Variants in NREP observed in about 807,000 individuals in gnomAD.
The protein encoded by NREP is neuronal regeneration related protein.
Under a neutral mutation model 8.6 loss-of-function variants are expected in NREP, and 5 were observed. The ratio of observed to expected loss-of-function variants is 0.58; its 90% CI spans 0.30 to 1.22. The LOEUF is 1.22. Among genes scored for constraint, NREP ranks in the 50% most tolerant of loss-of-function variants. NREP has a pLI of 0.07. For missense variants in NREP, 86 were observed against 82.5 expected, an observed-to-expected ratio of 1.04 and a Z score of -0.17; for synonymous variants, 27 against 28.0, an observed-to-expected ratio of 0.96 and a Z score of 0.11.
chr5:111,807,438 A>G (rs987041120), intron 2 of NREP, among the ~76,000 whole-genome samples: 1 of 152,216 alleles, frequency 6.6e-6, no homozygotes, highest in Non-Finnish European at 1.5e-5. Flanking sequence ...TATTGATTAA[A>G]ACAATTCAAC....
chr5:111,821,597 T>C (rs1252307976), intron 2 of NREP, among the ~76,000 whole-genome samples: 1 of 152,164 alleles, frequency 6.6e-6, no homozygotes, highest in Non-Finnish European at 1.5e-5. Flanking sequence ...ACCAAAAAAA[T>C]GCAGACAGTT....
intron 2 of NREP, among the ~76,000 whole-genome samples, chr5:111,911,973 T>C (rs1439749059): frequency 2.6e-5 from 4 of 152,100 alleles, no homozygotes; most frequent in Non-Finnish European, 5.9e-5. Context: ...GGAGGCTAAA[T>C]AATTTGTCTA....
intron 2 of NREP, among the ~76,000 whole-genome samples, chr5:111,862,446 T>C (rs1002521688): frequency 2.0e-5 from 3 of 152,082 alleles, no homozygotes; most frequent in Non-Finnish European, 2.9e-5. Flanking sequence ...CAGGGGCAGC[T>C]TTAGTCCTAC....
At chr5:111,770,537 T>C (rs1751192262) in intron 2 of NREP, among the ~76,000 whole-genome samples, 1 of 145,820 alleles carries the variant, frequency 6.9e-6, no homozygotes, top group South Asian at 2.2e-4. Context: ...TATTATTTGG[T>C]AAAGAAGAAT....
chr5:111,924,669 G>A (rs774174645), intron 2 of NREP, among the ~76,000 whole-genome samples: 14 of 152,140 alleles, frequency 9.2e-5, no homozygotes, highest in Non-Finnish European at 1.8e-4. Context: ...AGTGTCTGAG[G>A]AGGCCTTTCT....
At chr5:111,913,873 A>G (rs1057326423) in intron 2 of NREP, among the ~76,000 whole-genome samples, 6 of 152,140 alleles carry the variant, frequency 3.9e-5, no homozygotes, top group African/African-American at 1.2e-4. Context: ...TTTAAAAGTT[A>G]CCTAATGATG....
intron 2 of NREP, among the ~76,000 whole-genome samples, chr5:111,897,759 T>G (rs1473962653): frequency 6.6e-6 from 1 of 152,146 alleles, no homozygotes; most frequent in Non-Finnish European, 1.5e-5. Flanking sequence ...CAAACCCAAA[T>G]TTTTCATTTT....
rs184805723 is a variant in NREP, at chr5:111,956,315, G to A, written c.135+18959C>T. ...CCAACAGAAATAACAAAACAATAAGGGGATTTTAAAAGGTGTATATTTAAA... is the reference window on the plus strand; with the variant it reads ...CCAACAGAAATAACAAAACAATAAGAGGATTTTAAAAGGTGTATATTTAAA... On this transcript the variant is annotated intron_variant, in intron 2 of 3. Coordinates refer to the NREP transcript ENST00000395634. Among the ~76,000 whole-genome samples, 8 of 151,788 alleles carry A rather than the reference G, an allele frequency of 5.3e-5. No individual in the cohort carries two copies. In the South Asian group the frequency reaches 1.7e-3, roughly 32 times the overall value.
chr5:111,876,688 A>G (rs529138729), intron 2 of NREP, among the ~76,000 whole-genome samples: 32 of 152,012 alleles, frequency 2.1e-4, no homozygotes, highest in African/African-American at 7.2e-4. Flanking sequence ...CACAACACAG[A>G]CTCTCCTGTT....
chr5:111,852,270 T>C (rs1581165913), intron 2 of NREP, among the ~76,000 whole-genome samples: 1 of 126,614 alleles, frequency 7.9e-6, no homozygotes, highest in East Asian at 2.0e-4. Flanking sequence ...TAGCTTCACA[T>C]GTATAGTCTA....
chr5:111,789,115 A>T (rs1307774779), intron 2 of NREP, among the ~76,000 whole-genome samples: 1 of 152,144 alleles, frequency 6.6e-6, no homozygotes, highest in Non-Finnish European at 1.5e-5. Flanking sequence ...TTTTGTGTGT[A>T]TATAAATACG....
chr5:111,953,110 T>C lies in NREP; in HGVS notation c.135+22164A>G, dbSNP rs372438519. Among the ~76,000 whole-genome samples the C allele has an allele frequency of 7.5e-4, 114 of 152,274 alleles. 1 individual carries two copies. The highest frequency in any genetic ancestry group is 2.6e-3 in the African/African-American group (108 of 41,572). On this transcript the variant is annotated intron_variant, in intron 2 of 3. Coordinates refer to the NREP transcript ENST00000395634. ...ATATCTTACTAAGTAGCCCTCTTCT[T>C]CAACTTTCTCTCATGTTGTTATTGT...
intron 2 of NREP, among the ~76,000 whole-genome samples, chr5:111,872,284 C>T (rs1215710476): frequency 6.6e-6 from 1 of 152,094 alleles, no homozygotes; most frequent in East Asian, 1.9e-4. Flanking sequence ...GAAGAATTCT[C>T]TCTTACTTGA....
At chr5:111,888,938 A>T (rs1014528755) in intron 2 of NREP, among the ~76,000 whole-genome samples, 2 of 152,224 alleles carry the variant, frequency 1.3e-5, no homozygotes, top group African/African-American at 2.4e-5. Flanking sequence ...CAGTGGATTG[A>T]TAGATTTCCA....
At chr5:111,801,450 A>G (rs767694393) in intron 2 of NREP, among the ~76,000 whole-genome samples, 1 of 152,186 alleles carries the variant, frequency 6.6e-6, no homozygotes, top group Non-Finnish European at 1.5e-5. Context: ...ATCTGTATTC[A>G]CCAATCACTT....
intron 2 of NREP, among the ~76,000 whole-genome samples, chr5:111,872,818 G>T (rs1025251801): frequency 6.6e-6 from 1 of 152,142 alleles, no homozygotes; most frequent in Middle Eastern, 3.2e-3. Context: ...CAAGTTTTGA[G>T]AGGAAGTAGT....
At chr5:111,918,417 G>A (rs1240646103) in intron 2 of NREP, among the ~76,000 whole-genome samples, 1 of 152,156 alleles carries the variant, frequency 6.6e-6, no homozygotes. Context: ...TAGGCAAAAA[G>A]AACAATGCTG....
At chr5:111,911,140 G>C in intron 2 of NREP, among the ~76,000 whole-genome samples, 1 of 151,722 alleles carries the variant, frequency 6.6e-6, no homozygotes, top group Admixed American at 6.6e-5. Context: ...CCAGCAATCT[G>C]GATATCACCC....
chr5:111,925,528 G>A lies in NREP; in HGVS notation c.135+49746C>T, dbSNP rs897262882. On this transcript the variant is annotated intron_variant, in intron 2 of 3. Transcript: ENST00000395634. ...AGACCGAGGTGGCTACCCTGAGGAG[G>A]TTCTCCAGAATACTGTCTGGTCCTA... Among the ~76,000 whole-genome samples the A allele has an allele frequency of 4.6e-5, 7 of 152,152 alleles. No individual in the cohort carries two copies. The East Asian group carries it at 5.8e-4, about 13-fold the overall frequency.
Sources: allele counts gnomAD v4.1 joint callset (sites outside exome capture counted in the v4.1 genomes callset), GRCh38; gene constraint gnomAD v4.1.1; transcripts MANE v1.5; gene names NCBI Gene and HGNC (gene_info 2026-07-23, HGNC 2026-07-21).